PCCA: variants seen among roughly 807,000 people sequenced by gnomAD.
PCCA encodes propionyl-CoA carboxylase alpha chain, mitochondrial.
A neutral mutation model predicts 101.3 loss-of-function variants in PCCA; 74 were observed. That is an observed-to-expected ratio of 0.73 (90% confidence interval 0.61 to 0.89). The LOEUF (loss-of-function observed/expected upper bound fraction) is 0.89, where lower values mean the gene tolerates loss of function less well. PCCA is among the 40% of genes least tolerant of loss of function. The pLI, the probability that PCCA is intolerant of heterozygous loss-of-function variation, is 0.00. For synonymous variants in PCCA, 294 were observed against 313.6 expected (o/e 0.94, Z 0.66); for missense variants, 891 against 907.0 (o/e 0.98, Z 0.23).
chr13:100,421,689 T>G (rs994932588), intron 19 of PCCA, among the ~76,000 whole-genome samples: 1 of 152,044 alleles, frequency 6.6e-6, no homozygotes, highest in Non-Finnish European at 1.5e-5. Flanking sequence ...GATTTCTTAT[T>G]TTTTATTTTT....
intron 9 of PCCA, among the ~76,000 whole-genome samples, chr13:100,259,062 C>CA (rs2062271100): frequency 6.6e-6 from 1 of 152,120 alleles, no homozygotes; most frequent in Admixed American, 6.6e-5. Flanking sequence ...CTTTTGGAGC[C>CA]ACTAACCGTG....
At chr13:100,154,629 T>C (rs543514900) in intron 4 of PCCA, 4 of 329,184 alleles carry the variant, frequency 1.2e-5, no homozygotes, top group African/African-American at 8.6e-5. Context: ...TATTAAAATA[T>C]TGGGCTACCC....
chr13:100,227,382 C>T (rs947909906), intron 7 of PCCA, among the ~76,000 whole-genome samples: 2 of 152,164 alleles, frequency 1.3e-5, no homozygotes, highest in African/African-American at 4.8e-5. Flanking sequence ...TTTGTTAACT[C>T]TTTTCACGTT....
In PCCA at chr13:100,283,132, C is replaced by T. The variant is rs925062840; in HGVS notation, c.1065+9786C>T. On this transcript the variant is annotated intron_variant, in intron 12 of 23. Coordinates refer to ENST00000376285, the MANE Select transcript of PCCA (RefSeq NM_000282.4). ...TCCTACAAGGTCTAGGGCAAACCTT[C>T]GACCTCGCTTGGAGAGACGTCATGC... Among the ~76,000 whole-genome samples the T allele has an allele frequency of 5.3e-5, 8 of 152,136 alleles. No homozygotes were observed. In the East Asian group the frequency reaches 9.6e-4, roughly 18 times the overall value.
intron 6 of PCCA, among the ~76,000 whole-genome samples, chr13:100,205,507 CA>C (rs2058795631): frequency 7.8e-6 from 1 of 127,742 alleles, no homozygotes; most frequent in Non-Finnish European, 1.6e-5. Flanking sequence ...TTGGGTGGGA[CA>C]AAAAATAGTC....
At chr13:100,524,412 T>TGTGTG (rs59438858) in intron 22 of PCCA, among the ~76,000 whole-genome samples, 6 of 148,922 alleles carry the variant, frequency 4.0e-5, no homozygotes, top group Non-Finnish European at 8.9e-5. Flanking sequence ...TGTGTGTGTG[T>TGTGTG]TGGGGTAGAA....
At chr13:100,470,975 A>T (rs904145570) in intron 21 of PCCA, among the ~76,000 whole-genome samples, 1 of 152,176 alleles carries the variant, frequency 6.6e-6, no homozygotes, top group Non-Finnish European at 1.5e-5. Context: ...TTTCCTTTGC[A>T]TTTACAACTT....
intron 1 of PCCA, among the ~76,000 whole-genome samples, chr13:100,099,315 C>CTTT (rs940373587): frequency 9.6e-5 from 12 of 124,496 alleles, no homozygotes; most frequent in Non-Finnish European, 1.4e-4. Context: ...GCTATCTAAT[C>CTTT]TTTTTTTTTT....
intron 16 of PCCA, among the ~76,000 whole-genome samples, chr13:100,320,294 T>G (rs2067878977): frequency 6.6e-6 from 1 of 152,224 alleles, no homozygotes; most frequent in Non-Finnish European, 1.5e-5. Context: ...ACTTCCTCTT[T>G]TCCTAATTGA....
chr13:100,330,771 CTTATA>C (rs926075707), intron 17 of PCCA, 100 bp downstream of exon 17: 36 of 736,454 alleles, frequency 4.9e-5, no homozygotes, highest in African/African-American at 1.2e-4. Context: ...GGCCTTTTGG[CTTATA>C]TTATACTTCA....
At chr13:100,185,722 A>T (rs2057200705) in intron 6 of PCCA, among the ~76,000 whole-genome samples, 1 of 149,752 alleles carries the variant, frequency 6.7e-6, no homozygotes, top group Admixed American at 6.7e-5. Flanking sequence ...ATCTCGGCTC[A>T]CCGCAGCCTC....
intron 4 of PCCA, among the ~76,000 whole-genome samples, chr13:100,130,373 G>T (rs936930395): frequency 2.6e-5 from 4 of 152,210 alleles, no homozygotes; most frequent in Non-Finnish European, 5.9e-5. Flanking sequence ...GATGGCAGTG[G>T]TGGATTTATA....
At chr13:100,419,569 T>C (rs1306824248) in intron 19 of PCCA, among the ~76,000 whole-genome samples, 1 of 151,812 alleles carries the variant, frequency 6.6e-6, no homozygotes, top group African/African-American at 2.4e-5. Context: ...TGGGGAAAGG[T>C]GTATGGTAAG....
chr13:100,113,366 T>G (rs1398855894), intron 4 of PCCA, among the ~76,000 whole-genome samples: 2 of 152,136 alleles, frequency 1.3e-5, no homozygotes, highest in South Asian at 2.1e-4. Flanking sequence ...GAATGGAGCT[T>G]GCAGGACTGG....
chr13:100,199,337 A>T (rs1235958434), intron 6 of PCCA, among the ~76,000 whole-genome samples: 1 of 152,108 alleles, frequency 6.6e-6, no homozygotes, highest in Non-Finnish European at 1.5e-5. Flanking sequence ...GCCACCTTGG[A>T]CACAATATTT....
intron 22 of PCCA, among the ~76,000 whole-genome samples, chr13:100,516,028 C>T (rs1443147599): frequency 6.6e-6 from 1 of 152,200 alleles, no homozygotes; most frequent in Non-Finnish European, 1.5e-5. Context: ...AGAGCACTTC[C>T]ATTACTTGGT....
intron 6 of PCCA, among the ~76,000 whole-genome samples, chr13:100,196,657 G>C (rs1055616549): frequency 4.6e-5 from 7 of 152,196 alleles, no homozygotes; most frequent in Non-Finnish European, 1.5e-5. Context: ...CTAAGTCATA[G>C]TGTACAGTGT....
intron 2 of PCCA, among the ~76,000 whole-genome samples, chr13:100,106,017 C>A (rs2047763003): frequency 6.6e-6 from 1 of 152,060 alleles, no homozygotes; most frequent in African/African-American, 2.4e-5. Flanking sequence ...GCCTTTAATT[C>A]TTTACCTTTA....
At chr13:100,216,523 A>T (rs1231433712) in intron 7 of PCCA, among the ~76,000 whole-genome samples, 1 of 152,194 alleles carries the variant, frequency 6.6e-6, no homozygotes, top group Non-Finnish European at 1.5e-5. Context: ...TGCCTGACAT[A>T]TTGTCAGTGC....
Sources: gnomAD v4.1 joint callset for allele counts (sites outside exome capture counted in the v4.1 genomes callset) on GRCh38, gnomAD v4.1.1 for gene constraint, MANE v1.5 for transcripts, NCBI Gene and HGNC (gene_info 2026-07-23, HGNC 2026-07-21) for gene names.